Variants in FBXL7 observed in about 807,000 individuals in gnomAD.
The protein encoded by FBXL7 is F-box and leucine rich repeat protein 7.
In FBXL7, 12 loss-of-function variants were observed where a neutral mutation model predicts 38.3. The ratio of observed to expected loss-of-function variants is 0.31; its 90% CI spans 0.20 to 0.51. The LOEUF (loss-of-function observed/expected upper bound fraction) is 0.51. FBXL7 is among the 20% of genes least tolerant of loss of function. FBXL7 has a pLI of 0.98. For synonymous variants in FBXL7, 297 were observed against 300.9 expected (o/e 0.99, Z 0.13); for missense variants, 567 against 676.4 (o/e 0.84, Z 1.79).
chr5:15,868,296 C>T (rs1298883824), intron 2 of FBXL7, among the ~76,000 whole-genome samples: 1 of 152,154 alleles, frequency 6.6e-6, no homozygotes, highest in Non-Finnish European at 1.5e-5. Flanking sequence ...GCCTCTAGAA[C>T]CTCCAGAAAA....
At chr5:15,835,342 T>G (rs1208155892) in intron 2 of FBXL7, among the ~76,000 whole-genome samples, 5 of 152,224 alleles carry the variant, frequency 3.3e-5, no homozygotes, top group Non-Finnish European at 5.9e-5. Flanking sequence ...GAAAGTGGTC[T>G]GATAATTAGA....
chr5:15,755,007 C>G (rs1488200741), intron 2 of FBXL7, among the ~76,000 whole-genome samples: 1 of 152,154 alleles, frequency 6.6e-6, no homozygotes, highest in African/African-American at 2.4e-5. Context: ...TGAATGCTCT[C>G]TGATGGGAAA....
intron 2 of FBXL7, among the ~76,000 whole-genome samples, chr5:15,792,188 A>T (rs1737294813): frequency 6.6e-6 from 1 of 152,174 alleles, no homozygotes; most frequent in Non-Finnish European, 1.5e-5. Context: ...GCTGTCAAGC[A>T]TTGTGTGTTA....
At chr5:15,815,463 C>T (rs2126758185) in intron 2 of FBXL7, among the ~76,000 whole-genome samples, 1 of 152,174 alleles carries the variant, frequency 6.6e-6, no homozygotes, top group South Asian at 2.1e-4. Context: ...TACAGTAGGT[C>T]CTTAGCAGAG....
At chr5:15,627,422 A>G (rs1186427178) in intron 2 of FBXL7, among the ~76,000 whole-genome samples, 1 of 152,174 alleles carries the variant, frequency 6.6e-6, no homozygotes, top group Non-Finnish European at 1.5e-5. Flanking sequence ...GGGTGTGAAG[A>G]GCTGGGAGAA....
intron 1 of FBXL7, among the ~76,000 whole-genome samples, chr5:15,560,625 G>A (rs1738382839): frequency 6.6e-6 from 1 of 152,150 alleles, no homozygotes; most frequent in South Asian, 2.1e-4. Flanking sequence ...TGTCAGGTAT[G>A]AGCAATAATA....
chr5:15,617,422 CATTTATTT>C (rs3032718), intron 2 of FBXL7, among the ~76,000 whole-genome samples: 31,001 of 142,578 alleles, frequency 0.22, 4,065 homozygotes, highest in East Asian at 0.37. Flanking sequence ...TGATTCTAGA[CATTTATTT>C]ATTTATTTAT....
intron 2 of FBXL7, among the ~76,000 whole-genome samples, chr5:15,755,269 T>C (rs1736266461): frequency 6.6e-6 from 1 of 152,156 alleles, no homozygotes; most frequent in South Asian, 2.1e-4. Context: ...AACAAAAATA[T>C]GTAATTAGGG....
intron 2 of FBXL7, among the ~76,000 whole-genome samples, chr5:15,744,929 A>C (rs1735976701): frequency 6.6e-6 from 1 of 152,122 alleles, no homozygotes; most frequent in African/African-American, 2.4e-5. Context: ...GAACTCACTC[A>C]CTATCACGAG....
chr5:15,880,318 A>G (rs1184780407), intron 2 of FBXL7, among the ~76,000 whole-genome samples: 2 of 152,182 alleles, frequency 1.3e-5, no homozygotes, highest in Non-Finnish European at 1.5e-5. Context: ...TGCAAGCACC[A>G]GACGTTTTTA....
chr5:15,762,946 GT>G (rs1365453296), intron 2 of FBXL7, among the ~76,000 whole-genome samples: 7 of 152,136 alleles, frequency 4.6e-5, no homozygotes, highest in Non-Finnish European at 8.8e-5. Flanking sequence ...GATGTTTGAA[GT>G]TTTTTCCCTT....
chr5:15,917,692 AG>A (rs1201240854), intron 2 of FBXL7, among the ~76,000 whole-genome samples: 18 of 149,408 alleles, frequency 1.2e-4, no homozygotes, highest in African/African-American at 4.5e-4. Context: ...GAAGGAAGGA[AG>A]GAAGAAAGAA....
chr5:15,713,438 C>T (rs934956735), intron 2 of FBXL7, among the ~76,000 whole-genome samples: 1 of 152,134 alleles, frequency 6.6e-6, no homozygotes, highest in African/African-American at 2.4e-5. Context: ...TATGCTTCTC[C>T]TTTGACCCCC....
intron 1 of FBXL7, among the ~76,000 whole-genome samples, chr5:15,580,280 C>T (rs1294455340): frequency 6.6e-6 from 1 of 152,134 alleles, no homozygotes; most frequent in African/African-American, 2.4e-5. Flanking sequence ...CTTCCAACCT[C>T]CAGCACTACA....
rs547914307 is a variant in FBXL7 at position 15,680,947 on chromosome 5, T to C, written c.127+64875T>C. ...AATGCTGACCTCTAAGTTCATGCCA[T>C]TGATGAGCATGTAAATTACAAAATG... On this transcript the variant is annotated intron_variant, in intron 2 of 3. Transcript: ENST00000504595. 2.0e-5 allele frequency among the ~76,000 whole-genome samples: 3 copies of C among 152,320 alleles called. No homozygotes were observed. The South Asian group carries it at 6.2e-4, about 32-fold the overall frequency.
chr5:15,914,100 G>A (rs1741517238), intron 2 of FBXL7, among the ~76,000 whole-genome samples: 1 of 152,116 alleles, frequency 6.6e-6, no homozygotes, highest in Non-Finnish European at 1.5e-5. Context: ...AATGAGCAGG[G>A]GGCCGGGCGG....
chr5:15,531,742 C>G (rs1438169006), intron 1 of FBXL7, among the ~76,000 whole-genome samples: 1 of 152,226 alleles, frequency 6.6e-6, no homozygotes, highest in Non-Finnish European at 1.5e-5. Flanking sequence ...TCAGCTTAGT[C>G]ATAGTTTAAT....
intron 1 of FBXL7, among the ~76,000 whole-genome samples, chr5:15,527,054 C>T (rs1179549834): frequency 6.6e-6 from 1 of 152,138 alleles, no homozygotes; most frequent in Non-Finnish European, 1.5e-5. Context: ...GTTTATGGAC[C>T]TCCACCCATG....
intron 1 of FBXL7, among the ~76,000 whole-genome samples, chr5:15,584,010 T>C (rs190169911): frequency 6.6e-6 from 1 of 152,302 alleles, no homozygotes; most frequent in Admixed American, 6.5e-5. Flanking sequence ...CTCAGTATTG[T>C]GTGGAAGTCG....
Sources: allele counts gnomAD v4.1 joint callset (sites outside exome capture counted in the v4.1 genomes callset), GRCh38; gene constraint gnomAD v4.1.1; transcripts MANE v1.5; gene names NCBI Gene and HGNC (gene_info 2026-07-23, HGNC 2026-07-21).